Variants in TUBGCP5 observed in about 807,000 individuals in gnomAD.
TUBGCP5 encodes gamma-tubulin complex component 5.
In TUBGCP5, 98 loss-of-function variants were observed where a neutral mutation model predicts 134.7. That is an observed-to-expected ratio of 0.73 (90% CI 0.62 to 0.86). The LOEUF (loss-of-function observed/expected upper bound fraction) is 0.86. Among genes scored for constraint, TUBGCP5 ranks in the 40% least tolerant of loss-of-function variants. The pLI is 0.00. For synonymous variants in TUBGCP5, 456 were observed against 431.4 expected (o/e 1.06, Z -0.71); for missense variants, 1,150 against 1,244.8 (o/e 0.92, Z 1.15).
intron 19 of TUBGCP5, among the ~76,000 whole-genome samples, chr15:23,004,835 G>A (rs941753055): frequency 2.0e-5 from 3 of 152,148 alleles, no homozygotes; most frequent in Non-Finnish European, 2.9e-5. Context: ...ACCCAAGCAA[G>A]TTGGGTTTCA....
intron 3 of TUBGCP5, among the ~76,000 whole-genome samples, chr15:23,034,508 G>A (rs1277321597): frequency 6.6e-6 from 1 of 152,208 alleles, no homozygotes. Context: ...AAAATAAAGT[G>A]TCAGAAATGA....
Position 23,039,464 on chromosome 15 carries a change from G to C in TUBGCP5, c.80C>G (p.Ala27Gly), listed in dbSNP as rs989788291. 12 of 1,545,720 alleles carry C rather than the reference G, an allele frequency of 7.8e-6. No individual in the cohort carries two copies. Among genetic ancestry groups the C allele is most frequent in the African/African-American group, 1.4e-5 (1 of 70,786 alleles). ...GGGGTCTGCCTCGTCCTGGAGGCCG[G>C]CGACACCCCGGACGAGCTCCCGCAC... ...RDVRELVRGV[A>G]GLQDEADPNF... The change falls in exon 1 of 23, where the codon GCC (alanine) becomes GGC (glycine). Residue 27 changes from alanine to glycine, a missense_variant. Ala to Gly is a moderately conservative substitution (Grantham distance 60). Around this residue, in one of 2 missense-constraint regions of TUBGCP5, gnomAD observed 453 missense variants for 394.7 expected, o/e 1.15. Transcript: ENST00000615383.
intron 22 of TUBGCP5, 140 bp downstream of exon 22, chr15:23,000,429 G>T: frequency 7.0e-7 from 1 of 1,434,708 alleles, no homozygotes. Context: ...TCAAAGCATG[G>T]GACAACTGCT....
chr15:23,022,251 G>A, intron 10 of TUBGCP5, 90 bp from the exon 11 acceptor site: 6 of 1,342,832 alleles, frequency 4.5e-6, no homozygotes, highest in Non-Finnish European at 6.4e-6. Flanking sequence ...TCAGGCTTAT[G>A]GACAGGCAGG....
chr15:23,029,004 A>G (rs1170149199), intron 6 of TUBGCP5, among the ~76,000 whole-genome samples: 2 of 152,208 alleles, frequency 1.3e-5, no homozygotes, highest in Non-Finnish European at 2.9e-5. Flanking sequence ...CATCAGGAAT[A>G]AACAAAAGAG....
chr15:23,007,697 A>G (rs549234435), intron 16 of TUBGCP5, among the ~76,000 whole-genome samples: 45 of 152,316 alleles, frequency 3.0e-4, no homozygotes, highest in African/African-American at 1.1e-3. Flanking sequence ...AGGAAAGAGA[A>G]CATGGTGTGT....
chr15:23,000,404 T>C, intron 22 of TUBGCP5, 165 bp downstream of exon 22: 3 of 1,402,690 alleles, frequency 2.1e-6, no homozygotes, highest in Non-Finnish European at 2.8e-6. Context: ...CTCACCGTAA[T>C]GCTTAAAAAG....
intron 5 of TUBGCP5, 45 bp from the exon 6 acceptor site, chr15:23,031,065 C>T (rs371723111): frequency 1.1e-5 from 16 of 1,516,944 alleles, no homozygotes; most frequent in Non-Finnish European, 1.3e-5. Context: ...GAGTATAACA[C>T]TTAAAGCTAT....
At position 23,002,492 on chromosome 15, in the gene TUBGCP5, C is replaced by CG. The variant is rs549843225; in HGVS notation, c.2927+572dup. On this transcript the variant is annotated intron_variant, in intron 21 of 22. Coordinates refer to ENST00000615383, the MANE Select transcript of TUBGCP5 (RefSeq NM_052903.6). ...TGGCAGTGCTAGAGGGAGCTGCTCCCGGGCCACTTCCCCTGATTCAGTGCA... is the reference window on the plus strand; with the variant it reads ...TGGCAGTGCTAGAGGGAGCTGCTCCCGGGGCCACTTCCCCTGATTCAGTGCA... Among the ~76,000 whole-genome samples the CG allele has an allele frequency of 3.3e-4, 50 of 152,300 alleles. 2 individuals are homozygous for CG. In the South Asian group the frequency reaches 9.5e-3, roughly 29 times the overall value.
At chr15:23,010,300 T>C (rs1187857430) in intron 14 of TUBGCP5, among the ~76,000 whole-genome samples, 167 bp from the exon 15 acceptor site, 2 of 152,198 alleles carry the variant, frequency 1.3e-5, no homozygotes, top group Non-Finnish European at 2.9e-5. Context: ...ACCAGTCTCT[T>C]GAAGTTGCCA....
chr15:23,037,654 C>T (rs1191597965), intron 1 of TUBGCP5, among the ~76,000 whole-genome samples: 2 of 152,120 alleles, frequency 1.3e-5, no homozygotes, highest in Non-Finnish European at 2.9e-5. Context: ...AGCAGTAGGT[C>T]CAATTAACTA....
intron 18 of TUBGCP5, 34 bp downstream of exon 18, chr15:23,006,018 A>C: frequency 6.4e-7 from 1 of 1,567,142 alleles, no homozygotes; most frequent in Non-Finnish European, 8.6e-7. Flanking sequence ...AAATTAAATA[A>C]AATTACAATT....
chr15:23,038,722 G>T (rs997885695), intron 1 of TUBGCP5, among the ~76,000 whole-genome samples: 4 of 152,062 alleles, frequency 2.6e-5, no homozygotes, highest in African/African-American at 7.2e-5. Context: ...GACTCTAAAA[G>T]TATTAATTTA....
At chr15:22,985,386 T>C (rs557325234) in intron 23 of TUBGCP5, among the ~76,000 whole-genome samples, 156 of 151,960 alleles carry the variant, frequency 1.0e-3, no homozygotes, top group African/African-American at 3.7e-3. Context: ...TCCTGGCTAA[T>C]TTTGTATTTT....
chr15:22,991,122 G>A (rs890625172), intron 23 of TUBGCP5, among the ~76,000 whole-genome samples: 3 of 150,670 alleles, frequency 2.0e-5, no homozygotes, highest in East Asian at 1.9e-4. Flanking sequence ...TTTTTGAGAC[G>A]GAGTCTCGCG....
At chr15:22,985,101 T>C (rs2063640055) in intron 23 of TUBGCP5, among the ~76,000 whole-genome samples, 1 of 152,202 alleles carries the variant, frequency 6.6e-6, no homozygotes, top group Admixed American at 6.6e-5. Context: ...GGAAGTCTTT[T>C]ATAAAATTCA....
chr15:23,000,268 A>C (rs1029792612), intron 22 of TUBGCP5: 4 of 1,249,106 alleles, frequency 3.2e-6, no homozygotes, highest in Non-Finnish European at 4.0e-6. Context: ...AAATAGTTAC[A>C]AAAACTACAC....
intron 3 of TUBGCP5, among the ~76,000 whole-genome samples, chr15:23,036,572 C>T (rs913257052): frequency 1.3e-5 from 2 of 151,944 alleles, no homozygotes; most frequent in Admixed American, 1.3e-4. Flanking sequence ...ATCTAGTAAG[C>T]ATCTACAGAC....
chr15:23,006,600 T>A (rs977688080), intron 16 of TUBGCP5, among the ~76,000 whole-genome samples: 2 of 152,006 alleles, frequency 1.3e-5, no homozygotes, highest in African/African-American at 4.8e-5. Flanking sequence ...TTAACAATGG[T>A]AGTAATTAGA....
Sources: allele counts gnomAD v4.1 joint callset (sites outside exome capture counted in the v4.1 genomes callset), GRCh38; gene constraint gnomAD v4.1.1; regional missense constraint gnomAD v4.1.1; transcripts MANE v1.5; gene names NCBI Gene and HGNC (gene_info 2026-07-23, HGNC 2026-07-21).